M1AP: variants seen among roughly 807,000 people sequenced by gnomAD.
M1AP encodes the protein meiosis 1 associated protein, also known as meiosis 1 arrest protein.
Under a neutral mutation model 51.2 loss-of-function variants are expected in M1AP, and 39 were observed. The ratio of observed to expected loss-of-function variants is 0.76; its 90% CI spans 0.59 to 1.00. The LOEUF is 1.00. Among genes scored for constraint, M1AP ranks in the 50% least tolerant of loss-of-function variants. The pLI is 0.00. For synonymous variants in M1AP, 251 were observed against 249.2 expected (o/e 1.01, Z -0.07); for missense variants, 545 against 641.2 (o/e 0.85, Z 1.62).
chr2:74,594,921 G>A (rs1244755269), intron 4 of M1AP, among the ~76,000 whole-genome samples: 2 of 151,902 alleles, frequency 1.3e-5, no homozygotes, highest in Non-Finnish European at 2.9e-5. Context: ...CGAGGTTCAG[G>A]GAATCCCAAA....
At chr2:74,570,996 T>C (rs773305254) in intron 7 of M1AP, among the ~76,000 whole-genome samples, 1 of 152,194 alleles carries the variant, frequency 6.6e-6, no homozygotes, top group Non-Finnish European at 1.5e-5. Context: ...TGAATTAGGA[T>C]AGTGATAACA....
At chr2:74,647,379 C>T (rs1171755083) in intron 1 of M1AP, 2 of 985,218 alleles carry the variant, frequency 2.0e-6, no homozygotes, top group East Asian at 1.1e-4. Flanking sequence ...CACTTTGTCG[C>T]GTGATAAACG....
intron 2 of M1AP, among the ~76,000 whole-genome samples, chr2:74,639,207 G>A (rs1193815951): frequency 2.0e-5 from 3 of 152,132 alleles, no homozygotes; most frequent in Non-Finnish European, 2.9e-5. Context: ...CACTTCCAAT[G>A]AGGGAAACTA....
intron 7 of M1AP, among the ~76,000 whole-genome samples, chr2:74,571,382 G>A (rs969912491): frequency 1.3e-5 from 2 of 152,164 alleles, no homozygotes; most frequent in Non-Finnish European, 2.9e-5. Context: ...AAGTTGGCTG[G>A]AGGGGAACAT....
intron 1 of M1AP, among the ~76,000 whole-genome samples, chr2:74,642,259 T>C (rs1465328865): frequency 2.0e-5 from 3 of 149,464 alleles, no homozygotes; most frequent in African/African-American, 5.1e-5. Flanking sequence ...ATAGAGAAAT[T>C]GAAACTAATA....
chr2:74,562,296 G>A lies in M1AP; in HGVS notation c.1202C>T (p.Ala401Val). 1 of 1,614,214 alleles carries A rather than the reference G, an allele frequency of 6.2e-7. No individual in the cohort carries two copies. Among genetic ancestry groups the A allele is most frequent in the East Asian group, 2.2e-5 (1 of 44,886 alleles). ...GCTGGGCAGCATCAGTTCCCGCGTG[G>A]CCACCGCCTTTACCAGCAGTGTGAG... ...HSLTLLVKAV[A>V]TRELMLPSTF... Residue 401 changes from alanine (A) to valine (V), a missense_variant, in exon 8 of 11, where the codon GCC becomes GTC. Ala to Val is a moderately conservative substitution (Grantham distance 64, BLOSUM62 0). Coordinates refer to ENST00000421985, the MANE Select transcript of M1AP (RefSeq NM_001321739.2).
chr2:74,567,762 A>G (rs893948179), intron 7 of M1AP, among the ~76,000 whole-genome samples: 1 of 152,244 alleles, frequency 6.6e-6, no homozygotes, highest in Non-Finnish European at 1.5e-5. Flanking sequence ...GCCAAAACAC[A>G]TAGCTTTCTT....
chr2:74,630,471 G>A (rs189086344), intron 2 of M1AP, among the ~76,000 whole-genome samples: 1 of 152,244 alleles, frequency 6.6e-6, no homozygotes, highest in Admixed American at 6.5e-5. Flanking sequence ...TATTGGTCCT[G>A]ATGCTCTCCC....
At chr2:74,647,709 T>C (rs1683689718) in intron 1 of M1AP, among the ~76,000 whole-genome samples, 1 of 152,060 alleles carries the variant, frequency 6.6e-6, no homozygotes, top group South Asian at 2.1e-4. Context: ...CTGGCCAACA[T>C]AGGGAAACCA....
intron 4 of M1AP, among the ~76,000 whole-genome samples, chr2:74,583,965 T>G (rs1215349319): frequency 6.6e-6 from 1 of 152,228 alleles, no homozygotes; most frequent in Non-Finnish European, 1.5e-5. Flanking sequence ...GTTAGTTATT[T>G]CATTCATTCC....
chr2:74,602,397 C>A (rs1332837175), intron 4 of M1AP, among the ~76,000 whole-genome samples: 9 of 152,066 alleles, frequency 5.9e-5, no homozygotes, highest in African/African-American at 2.2e-4. Flanking sequence ...CATCCATATA[C>A]AAAAATTTTC....
chr2:74,623,332 C>T (rs1299068503), intron 2 of M1AP, among the ~76,000 whole-genome samples: 2 of 151,866 alleles, frequency 1.3e-5, no homozygotes, highest in Non-Finnish European at 2.9e-5. Flanking sequence ...AGTGAAACCC[C>T]GTCTCTAAAA....
intron 5 of M1AP, among the ~76,000 whole-genome samples, chr2:74,579,591 T>C (rs1039378184): frequency 6.6e-6 from 1 of 152,170 alleles, no homozygotes; most frequent in African/African-American, 2.4e-5. Flanking sequence ...GGGGGTAATA[T>C]TGTATTTAAT....
intron 9 of M1AP, among the ~76,000 whole-genome samples, chr2:74,559,929 A>G (rs1209071293): frequency 6.6e-6 from 1 of 152,232 alleles, no homozygotes; most frequent in African/African-American, 2.4e-5. Flanking sequence ...AAACACTACA[A>G]TTAAAACACC....
chr2:74,628,822 A>C, intron 2 of M1AP: 1 of 469,450 alleles, frequency 2.1e-6, no homozygotes, highest in Admixed American at 2.6e-5. Flanking sequence ...TGAAAGAATA[A>C]GTGGAAAACG....
chr2:74,633,319 A>G (rs13402398), intron 2 of M1AP, among the ~76,000 whole-genome samples: 14,788 of 152,126 alleles, frequency 0.097, 2,107 homozygotes, highest in African/African-American at 0.31. Context: ...GTAAAATTTC[A>G]TTTTAGCAAA....
chr2:74,624,529 G>A (rs1245705676), intron 2 of M1AP, among the ~76,000 whole-genome samples: 2 of 152,022 alleles, frequency 1.3e-5, no homozygotes, highest in Admixed American at 6.5e-5. Flanking sequence ...AGTTTAGGGA[G>A]GGGATTAAAA....
chr2:74,611,105 A>G (rs910742208), intron 3 of M1AP, among the ~76,000 whole-genome samples: 63 of 152,124 alleles, frequency 4.1e-4, no homozygotes, highest in African/African-American at 1.5e-3. Flanking sequence ...TTTTGCATCT[A>G]TGTTCTTCAG....
intron 8 of M1AP, among the ~76,000 whole-genome samples, chr2:74,561,748 C>T (rs1678028460): frequency 1.3e-5 from 2 of 152,114 alleles, no homozygotes; most frequent in South Asian, 2.1e-4. Flanking sequence ...AAAACCAAAC[C>T]AAACAAGCGT....
Sources: allele counts gnomAD v4.1 joint callset (sites outside exome capture counted in the v4.1 genomes callset), GRCh38; gene constraint gnomAD v4.1.1; transcripts MANE v1.5; gene names NCBI Gene and HGNC (gene_info 2026-07-23, HGNC 2026-07-21).